The following UPB1 variants were observed in gnomAD, a reference collection of about 807,000 sequenced individuals.
UPB1 encodes beta-ureidopropionase 1.
Under a neutral mutation model 49.1 loss-of-function variants are expected in UPB1, and 40 were observed. The ratio of observed to expected loss-of-function variants is 0.81; its 90% CI spans 0.63 to 1.06. The LOEUF (loss-of-function observed/expected upper bound fraction) is 1.06, where lower values mean the gene tolerates loss of function less well. Ranked by LOEUF, UPB1 falls within the 50% of genes least tolerant of loss-of-function variation. UPB1 has a pLI of 0.00. For missense variants in UPB1, 499 were observed against 505.9 expected, an observed-to-expected ratio of 0.99 and a Z score of 0.13; for synonymous variants, 207 against 198.2, an observed-to-expected ratio of 1.04 and a Z score of -0.38.
chr22:24,500,916 C>T (rs927886361), intron 2 of UPB1, among the ~76,000 whole-genome samples: 4 of 152,150 alleles, frequency 2.6e-5, no homozygotes, highest in African/African-American at 4.8e-5. Flanking sequence ...CCTCAGGATA[C>T]GGCGTGTTTG....
intron 9 of UPB1, 130 bp downstream of exon 9, chr22:24,523,903 G>C: frequency 7.3e-7 from 1 of 1,375,702 alleles, no homozygotes. Context: ...CTCTGTGTGA[G>C]CTGAGGGCTG....
At position 24,525,729 on chromosome 22, in the gene UPB1, A is replaced by T; in HGVS notation, c.1090A>T (p.Met364Leu). 1 of 1,614,188 alleles carries T rather than the reference A, an allele frequency of 6.2e-7. No individual in the cohort carries two copies. Among genetic ancestry groups the T allele is most frequent in the Non-Finnish European group, 8.5e-7 (1 of 1,180,030 alleles). The change falls in exon 10 of 10, where the codon ATG becomes TTG. Residue 364 changes from methionine (M) to leucine (L), a missense_variant. By Grantham distance (15) the Met-to-Leu change is conservative. Coordinates refer to ENST00000326010, the MANE Select transcript of UPB1 (RefSeq NM_016327.3). The part of the protein sequence containing the change: ...WNFKMTGRYE[M>L]YARELAEAVK... ...CTTTCAGATGACGGGCAGGTATGAG[A>T]TGTACGCACGGGAGCTCGCCGAAGC...
At chr22:24,511,214 A>G (rs963116543) in intron 4 of UPB1, among the ~76,000 whole-genome samples, 3 of 152,224 alleles carry the variant, frequency 2.0e-5, no homozygotes, top group Admixed American at 2.0e-4. Context: ...CTTGAGTCAC[A>G]GAAGCTTCGA....
At chr22:24,512,710 C>T (rs1315532102) in intron 4 of UPB1, among the ~76,000 whole-genome samples, 4 of 152,132 alleles carry the variant, frequency 2.6e-5, no homozygotes, top group African/African-American at 7.2e-5. Flanking sequence ...TGGCAACCAC[C>T]GTTCTATTAA....
rs201984196 is a variant in UPB1 at position 24,495,398 on chromosome 22, G to A, written c.-6G>A. The A allele has an allele frequency of 1.2e-5, 19 of 1,612,792 alleles. No homozygotes were observed. The highest frequency in any genetic ancestry group is 1.6e-5 in the Non-Finnish European group (19 of 1,180,000). The stretch of plus-strand genomic sequence containing the variant: ...GCGCGGACACAAGCACTGGCGGACC[G>A]TGGCCATGGCGGGCGCTGAGTGGAA... On this transcript the variant is annotated 5_prime_UTR_variant, in exon 1 of 10. The change creates a new upstream start codon in the 5' untranslated region. Transcript: ENST00000326010.
At chr22:24,522,943 TAAAAAA>T (rs747503249) in intron 8 of UPB1, among the ~76,000 whole-genome samples, 1 of 66,378 alleles carries the variant, frequency 1.5e-5, no homozygotes, top group African/African-American at 6.0e-5. Flanking sequence ...AAATGCCACC[TAAAAAA>T]AAAAAAAAAA....
At chr22:24,495,549 CAG>C (rs772343078) in intron 1 of UPB1, 42 bp downstream of exon 1, 2 of 1,606,444 alleles carry the variant, frequency 1.2e-6, no homozygotes, top group Non-Finnish European at 8.5e-7. Flanking sequence ...CTTGGGGCCA[CAG>C]AGTGTGGGTC....
At chr22:24,521,346 G>A (rs1011422849) in intron 7 of UPB1, among the ~76,000 whole-genome samples, 9 of 151,984 alleles carry the variant, frequency 5.9e-5, no homozygotes, top group East Asian at 1.9e-4. Context: ...AGCCGGGCGC[G>A]GTGGTAGGCG....
chr22:24,498,987 G>T (rs957825364), intron 1 of UPB1, among the ~76,000 whole-genome samples: 1 of 152,232 alleles, frequency 6.6e-6, no homozygotes, highest in Non-Finnish European at 1.5e-5. Flanking sequence ...TCCGCTGGAG[G>T]GTGGGAGGAC....
chr22:24,515,062 C>A, intron 5 of UPB1, 139 bp from the exon 6 acceptor site: 3 of 1,134,320 alleles, frequency 2.6e-6, no homozygotes, highest in Non-Finnish European at 3.8e-6. Context: ...TTGTTTTTAT[C>A]ATATTGAAAT....
intron 4 of UPB1, 58 bp from the exon 5 acceptor site, chr22:24,513,266 A>T (rs755000514): frequency 1.8e-5 from 29 of 1,612,830 alleles, no homozygotes; most frequent in Non-Finnish European, 2.3e-5. Flanking sequence ...CTTCTTTGAT[A>T]AAAAACTACA....
intron 3 of UPB1, among the ~76,000 whole-genome samples, chr22:24,506,429 CAGG>C (rs1414618055): frequency 5.9e-5 from 9 of 152,200 alleles, no homozygotes; most frequent in Non-Finnish European, 1.0e-4. Flanking sequence ...TTTGGATAAG[CAGG>C]AGATCTTCTC....
Position 24,500,119 on chromosome 22 carries a change from G to A in UPB1, c.117G>A (p.Leu39=), listed in dbSNP as rs780484134. 4.3e-6 allele frequency: 7 copies of A among 1,614,028 alleles called. No homozygotes were observed. In the African/African-American group the frequency reaches 8.0e-5, roughly 18 times the overall value. Residue 39 remains leucine, a synonymous_variant, in exon 2 of 10, where the codon CTG becomes CTA. Transcript: ENST00000326010. ...CCTGCCCATCTAGGAAGCTTGATCT[G>A]CCCAGGGAAGCTTTCGAAGCTGCCT... ...LYGKELRKLD[L]PREAFEAASR... is the part of the protein sequence containing the mutation.
intron 1 of UPB1, among the ~76,000 whole-genome samples, chr22:24,496,396 C>CACACAT (rs1264565793): frequency 3.0e-5 from 4 of 131,386 alleles, no homozygotes; most frequent in East Asian, 2.0e-4. Flanking sequence ...CACACACACA[C>CACACAT]ACACACATAC....
intron 1 of UPB1, among the ~76,000 whole-genome samples, chr22:24,499,612 A>G (rs953155505): frequency 6.6e-6 from 1 of 152,016 alleles, no homozygotes; most frequent in African/African-American, 2.4e-5. Flanking sequence ...TTTATTCACC[A>G]TAAGGCCATC....
At chr22:24,520,570 A>T in intron 7 of UPB1, 102 bp downstream of exon 7, 1 of 1,339,124 alleles carries the variant, frequency 7.5e-7, no homozygotes, top group South Asian at 1.2e-5. Flanking sequence ...TAGGGTCCGG[A>T]AAGGGGTAAA....
intron 8 of UPB1, among the ~76,000 whole-genome samples, chr22:24,523,361 T>C (rs1892721): frequency 0.17 from 25,801 of 152,186 alleles, 2,293 homozygotes; most frequent in South Asian, 0.27. Context: ...TGGGTAGAAG[T>C]GACACCTCTC....
chr22:24,525,626 C>T, intron 9 of UPB1, 85 bp from the exon 10 acceptor site: 2 of 1,532,172 alleles, frequency 1.3e-6, no homozygotes, highest in Non-Finnish European at 1.8e-6. Context: ...CATGACTGCC[C>T]TCCAGTGGCA....
At chr22:24,507,684 A>T (rs1442784265) in intron 3 of UPB1, among the ~76,000 whole-genome samples, 1 of 152,210 alleles carries the variant, frequency 6.6e-6, no homozygotes, top group African/African-American at 2.4e-5. Context: ...GAGCCAGGCC[A>T]GCAAGCTTTG....
Sources: allele counts gnomAD v4.1 joint callset (sites outside exome capture counted in the v4.1 genomes callset), GRCh38; gene constraint gnomAD v4.1.1; transcripts MANE v1.5; gene names NCBI Gene and HGNC (gene_info 2026-07-23, HGNC 2026-07-21).